Variants in WARS1 observed in about 807,000 individuals in gnomAD.
WARS1 encodes tryptophanyl-tRNA synthetase 1, also known as tryptophan--tRNA ligase, cytoplasmic.
WARS1 carries 17 observed loss-of-function variants against 47.8 expected under a neutral mutation model. That is an observed-to-expected ratio of 0.36 (90% CI 0.24 to 0.53). WARS1 has a LOEUF of 0.53. WARS1 is among the 20% of genes least tolerant of loss of function. The pLI is 0.91. For missense variants in WARS1, 434 were observed against 608.0 expected, an observed-to-expected ratio of 0.71 and a Z score of 3.01; for synonymous variants, 208 against 228.1, an observed-to-expected ratio of 0.91 and a Z score of 0.79.
intron 7 of WARS1, among the ~76,000 whole-genome samples, chr14:100,345,360 A>AC (rs1279430102): frequency 6.6e-6 from 1 of 152,100 alleles, no homozygotes; most frequent in Non-Finnish European, 1.5e-5. Context: ...CTGTGACCTT[A>AC]CCCCCAACCC....
intron 7 of WARS1, among the ~76,000 whole-genome samples, chr14:100,345,525 G>A (rs188825923): frequency 0.06 from 9,118 of 151,382 alleles, 415 homozygotes; most frequent in African/African-American, 0.12. Flanking sequence ...CAAACACTGC[G>A]GAAGGCCGCA....
rs928124372 is a variant in WARS1 at position 100,359,428 on chromosome 14, T to C, written c.422+1126A>G. On this transcript the variant is annotated intron_variant, in intron 4 of 10. Transcript: ENST00000392882. ...AAGAAGCCAGACACAAAAGGCCACA[T>C]GTTACATGATCCCATTTATATAAAA... Among the ~76,000 whole-genome samples, 9 of 152,264 alleles carry C rather than the reference T, an allele frequency of 5.9e-5. No individual in the cohort carries two copies. The East Asian group carries it at 1.7e-3, about 29-fold the overall frequency.
At chr14:100,354,368 G>T in intron 5 of WARS1, 79 bp downstream of exon 5, 2 of 1,548,826 alleles carry the variant, frequency 1.3e-6, no homozygotes, top group Non-Finnish European at 1.7e-6. Context: ...GCATGATCTT[G>T]TCAGTTCTAA....
chr14:100,359,768 T>A (rs960880617), intron 4 of WARS1, among the ~76,000 whole-genome samples: 4 of 152,182 alleles, frequency 2.6e-5, no homozygotes, highest in Admixed American at 2.0e-4. Context: ...ACTGTACATT[T>A]AAAAAAATAA....
At chr14:100,371,242 GTT>G (rs1484780149) in intron 1 of WARS1, among the ~76,000 whole-genome samples, 2 of 151,190 alleles carry the variant, frequency 1.3e-5, no homozygotes, top group African/African-American at 4.9e-5. Flanking sequence ...GAGGTCAGGA[GTT>G]TGAGACCAGC....
chr14:100,339,366 C>T (rs1293576133), intron 9 of WARS1, among the ~76,000 whole-genome samples: 5 of 152,036 alleles, frequency 3.3e-5, no homozygotes, highest in South Asian at 4.1e-4. Context: ...CCAAGGCGGG[C>T]AGATTACGAG....
At chr14:100,342,662 G>T in intron 8 of WARS1, 91 bp from the exon 9 acceptor site, 2 of 1,244,614 alleles carry the variant, frequency 1.6e-6, no homozygotes, top group Non-Finnish European at 2.2e-6. Context: ...TTCCCAGAAG[G>T]CTCTCATGCT....
chr14:100,349,388 C>CTCTGCTAT (rs780146750), intron 6 of WARS1, among the ~76,000 whole-genome samples: 45 of 152,326 alleles, frequency 3.0e-4, no homozygotes, highest in South Asian at 4.1e-4. Context: ...GTACCCCCAC[C>CTCTGCTAT]ATGAGTCTGG....
Position 100,343,356 on chromosome 14 carries a change from A to G in WARS1, c.858T>C (p.Ala286=). The change falls in exon 8 of 11, where the codon GCT becomes GCC. Residue 286 remains alanine (A), a synonymous_variant. Coordinates refer to ENST00000392882, the MANE Select transcript of WARS1 (RefSeq NM_004184.4). ...GKISFPAIQA[A]PSFSNSFPQI... ...GTGGGAATGAGTTGCTGAAGGAGGG[A>G]GCAGCCTGGATGGCAGGAAAACTGA... 1 of 1,613,186 alleles carries G rather than the reference A, an allele frequency of 6.2e-7. No individual in the cohort carries two copies. The highest frequency in any genetic ancestry group is 8.5e-7 in the Non-Finnish European group (1 of 1,179,420).
chr14:100,360,492 A>T, intron 4 of WARS1, 62 bp downstream of exon 4: 1 of 1,356,426 alleles, frequency 7.4e-7, no homozygotes, highest in Non-Finnish European at 1.0e-6. Context: ...AGAGTGTCTT[A>T]CGATTTTTTT....
intron 1 of WARS1, chr14:100,374,888 A>T (rs556856801): frequency 6.6e-6 from 1 of 152,322 alleles, no homozygotes; most frequent in South Asian, 2.1e-4. Context: ...TAAAAGAAAG[A>T]TTGCTTTCCC....
At position 100,334,931 on chromosome 14, in the gene WARS1, C is replaced by T; in HGVS notation, c.1360G>A (p.Asp454Asn). 6.2e-7 allele frequency: 1 copy of T among 1,614,194 alleles called. No homozygotes were observed. Among genetic ancestry groups the T allele is most frequent in the South Asian group, 1.1e-5 (1 of 91,082 alleles). ...EHQARRKEVT[D>N]EIVKEFMTPR... Reference sequence around the variant, plus strand: ...GTCATGAACTCTTTCACTATCTCATCCGTGACCTCCTTGCGCCGGGCCTGG... The same window carrying T: ...GTCATGAACTCTTTCACTATCTCATTCGTGACCTCCTTGCGCCGGGCCTGG... Residue 454 changes from aspartate to asparagine, a missense_variant, in exon 11 of 11, where the codon GAT becomes AAT. Asp to Asn is a conservative substitution (Grantham distance 23). Transcript: ENST00000392882.
At chr14:100,354,235 C>T in intron 5 of WARS1, 1 of 601,622 alleles carries the variant, frequency 1.7e-6, no homozygotes, top group Non-Finnish European at 2.7e-6. Context: ...GCAGGCCTGG[C>T]TGACTCCAAA....
intron 9 of WARS1, among the ~76,000 whole-genome samples, chr14:100,340,997 C>G (rs1459539376): frequency 6.6e-6 from 1 of 151,466 alleles, no homozygotes; most frequent in East Asian, 1.9e-4. Context: ...TCACTGCAAC[C>G]CCTGTCTTCC....
Position 100,361,076 on chromosome 14 carries a change from G to T in WARS1, c.314-414C>A, listed in dbSNP as rs190616723. 2.6e-5 allele frequency among the ~76,000 whole-genome samples: 4 copies of T among 152,082 alleles called. No individual in the cohort carries two copies. In the East Asian group the frequency reaches 7.7e-4, roughly 29 times the overall value. On this transcript the variant is annotated intron_variant, in intron 3 of 10. Coordinates refer to ENST00000392882, the MANE Select transcript of WARS1 (RefSeq NM_004184.4). Reference sequence around the variant, plus strand: ...TGATTTCTCACATTCTTTATTTGTTGAACTGAATTAATGTCGGTCTTCAAG... The same window carrying T: ...TGATTTCTCACATTCTTTATTTGTTTAACTGAATTAATGTCGGTCTTCAAG...
intron 3 of WARS1, among the ~76,000 whole-genome samples, chr14:100,361,276 C>G (rs1253237006): frequency 1.3e-5 from 2 of 152,234 alleles, no homozygotes; most frequent in Non-Finnish European, 1.5e-5. Flanking sequence ...AAGGGCATGA[C>G]AGTAAGAACT....
At chr14:100,345,473 TAA>T (rs1433882249) in intron 7 of WARS1, among the ~76,000 whole-genome samples, 1 of 151,866 alleles carries the variant, frequency 6.6e-6, no homozygotes, top group East Asian at 2.0e-4. Flanking sequence ...GCATGCTCGT[TAA>T]GAGTCATCAC....
intron 6 of WARS1, among the ~76,000 whole-genome samples, chr14:100,351,665 G>A (rs1027774676): frequency 1.3e-5 from 2 of 152,022 alleles, no homozygotes; most frequent in Non-Finnish European, 2.9e-5. Context: ...GGGCCTCCAT[G>A]CTCACATGGC....
chr14:100,371,447 C>CAAAAAAAAAAAAAAAAAAAAA lies in WARS1; in HGVS notation c.-73-2190_-73-2189insTTTTTTTTTTTTTTTTTTTTT, dbSNP rs60977618. Among the ~76,000 whole-genome samples the CAAAAAAAAAAAAAAAAAAAAA allele has an allele frequency of 2.4e-4, 21 of 89,148 alleles. 1 individual carries two copies. Among genetic ancestry groups the CAAAAAAAAAAAAAAAAAAAAA allele is most frequent in the Middle Eastern group, 7.8e-3 (1 of 128 alleles). 58.5% of individuals were successfully genotyped at this position (89,148 alleles called of 152,430 possible). On this transcript the variant is annotated intron_variant, in intron 1 of 10. Coordinates refer to ENST00000392882, the MANE Select transcript of WARS1 (RefSeq NM_004184.4). The stretch of plus-strand genomic sequence containing the variant: ...CCTGGGTGACAGAAAGGTTCTGTCT[C>CAAAAAAAAAAAAAAAAAAAAA]AAAAAAAAAAAAAAAAAAAAGTAGG...
Sources: allele counts gnomAD v4.1 joint callset (sites outside exome capture counted in the v4.1 genomes callset), GRCh38; gene constraint gnomAD v4.1.1; transcripts MANE v1.5; gene names NCBI Gene and HGNC (gene_info 2026-07-23, HGNC 2026-07-21).